Variants in SNAP29 observed in about 807,000 individuals in gnomAD.
SNAP29 encodes synaptosome associated protein 29.
A neutral mutation model predicts 27.9 loss-of-function variants in SNAP29; 13 were observed. The observed-to-expected ratio is 0.47, with a 90% CI of 0.30 to 0.74. SNAP29 has a LOEUF of 0.74. Ranked by LOEUF, SNAP29 falls within the 30% of genes least tolerant of loss-of-function variation. The pLI is 0.06. For missense variants in SNAP29, 368 were observed against 336.5 expected (o/e 1.09, Z -0.73); for synonymous variants, 119 against 127.1 (o/e 0.94, Z 0.43).
chr22:20,870,192 G>A lies in SNAP29; in HGVS notation c.238-145G>A, dbSNP rs1928552879. The A allele has an allele frequency of 4.2e-6, 3 of 719,806 alleles. No homozygotes were observed. The South Asian group carries it at 4.4e-5, about 11-fold the overall frequency. 44.6% of individuals were successfully genotyped at this position (719,806 alleles called of 1,614,324 possible). A position where few individuals can be genotyped will look rare whatever the true frequency, so the allele number is the denominator to read the frequency against. Reference sequence around the variant, plus strand: ...AGGCAAAGGAATGTGTTGTTGGAAAGGGTAGTGTGCCCCTCACAGATGACA... The same window carrying A: ...AGGCAAAGGAATGTGTTGTTGGAAAAGGTAGTGTGCCCCTCACAGATGACA... On this transcript the variant is annotated intron_variant, in intron 1 of 4. Coordinates refer to ENST00000215730, the MANE Select transcript of SNAP29 (RefSeq NM_004782.4).
intron 1 of SNAP29, among the ~76,000 whole-genome samples, chr22:20,861,347 C>T (rs1249140429): frequency 1.3e-5 from 2 of 151,978 alleles, no homozygotes; most frequent in Non-Finnish European, 2.9e-5. Flanking sequence ...CTCTTGACCT[C>T]GTGATCCACC....
At chr22:20,878,522 G>A (rs1431617770) in intron 2 of SNAP29, among the ~76,000 whole-genome samples, 1 of 152,132 alleles carries the variant, frequency 6.6e-6, no homozygotes, top group East Asian at 1.9e-4. Context: ...AGCTTGCAGT[G>A]CGTGGAGATC....
rs165868 is a variant in SNAP29, at chr22:20,885,252, C to T, written c.619+1683C>T. On this transcript the variant is annotated intron_variant, in intron 4 of 4. Transcript: ENST00000215730. ...CCTGGGTCACCCTGTCAGTCTCCCACCCCCTGTTAGGAGTTGGCAAAGTGT... is the reference window on the plus strand; with the variant it reads ...CCTGGGTCACCCTGTCAGTCTCCCATCCCCTGTTAGGAGTTGGCAAAGTGT... Among the ~76,000 whole-genome samples the T allele has an allele frequency of 1.1e-4, 16 of 152,022 alleles. No individual in the cohort carries two copies. The South Asian group carries it at 3.3e-3, about 32-fold the overall frequency.
At chr22:20,869,075 A>G (rs768815140) in intron 1 of SNAP29, among the ~76,000 whole-genome samples, 20 of 152,192 alleles carry the variant, frequency 1.3e-4, no homozygotes, top group Non-Finnish European at 2.5e-4. Context: ...CCGGGCCAAC[A>G]TGGTGAAACC....
intron 4 of SNAP29, among the ~76,000 whole-genome samples, chr22:20,886,110 A>ACCT (rs144704533): frequency 0.07 from 10,067 of 144,612 alleles, 924 homozygotes; most frequent in African/African-American, 0.22. Context: ...CTGAAGACTT[A>ACCT]TCTTTTTTTT....
intron 3 of SNAP29, among the ~76,000 whole-genome samples, chr22:20,881,704 T>A (rs886286626): frequency 6.6e-6 from 1 of 152,128 alleles, no homozygotes; most frequent in Non-Finnish European, 1.5e-5. Context: ...TGAAACTCTG[T>A]CTCAAAAAAG....
At chr22:20,862,335 T>C (rs1233337407) in intron 1 of SNAP29, among the ~76,000 whole-genome samples, 1 of 152,150 alleles carries the variant, frequency 6.6e-6, no homozygotes, top group Non-Finnish European at 1.5e-5. Flanking sequence ...GAGGATAAAC[T>C]TGAATCTAGC....
Position 20,890,260 on chromosome 22 carries a change from G to A in SNAP29, c.*2424G>A, listed in dbSNP as rs1199936073. ...TCCAGAAACTTTTCACATGATGATT[G>A]GGATCGACAAAAAAATGCTACCCTC... is the stretch of plus-strand genomic sequence containing the variant. On this transcript the variant is annotated 3_prime_UTR_variant, in exon 5 of 5. Transcript: ENST00000215730. The A allele has an allele frequency of 7.5e-6, 3 of 398,352 alleles. No individual in the cohort carries two copies. The highest frequency in any genetic ancestry group is 4.1e-5 in the African/African-American group (2 of 48,594). 24.7% of individuals were successfully genotyped at this position (398,352 alleles called of 1,614,324 possible).
chr22:20,867,824 G>C (rs1187034180), intron 1 of SNAP29, among the ~76,000 whole-genome samples: 2 of 152,236 alleles, frequency 1.3e-5, no homozygotes, highest in Non-Finnish European at 2.9e-5. Flanking sequence ...TACTGGGGAA[G>C]GTAGCTCTCC....
chr22:20,861,898 G>A (rs1020581464), intron 1 of SNAP29, among the ~76,000 whole-genome samples: 1 of 152,184 alleles, frequency 6.6e-6, no homozygotes, highest in African/African-American at 2.4e-5. Context: ...CTCCCAAAGT[G>A]TTGGGATTAC....
intron 3 of SNAP29, 152 bp from the exon 4 acceptor site, chr22:20,883,319 G>A (rs1928931372): frequency 9.5e-6 from 6 of 628,898 alleles, no homozygotes; most frequent in Admixed American, 2.1e-5. Flanking sequence ...ATGAGCCTGC[G>A]CTGTGCTCCT....
chr22:20,859,389 T>C lies in SNAP29; in HGVS notation c.237+42T>C, dbSNP rs751917520. 2.2e-6 allele frequency: 3 copies of C among 1,364,286 alleles called. No individual in the cohort carries two copies. In the South Asian group the frequency reaches 3.5e-5, roughly 16 times the overall value. The allele number at this position is 1,364,286 out of a possible 1,614,324, so 84.5% of individuals were successfully genotyped here. On this transcript the variant is annotated intron_variant, in intron 1 of 4. Transcript: ENST00000215730. ...GCTGGTGTGGACTCGCCGGTCTCTGTGCTGTCAAACGGAGACGAGAAATGT... is the reference window on the plus strand; with the variant it reads ...GCTGGTGTGGACTCGCCGGTCTCTGCGCTGTCAAACGGAGACGAGAAATGT...
At chr22:20,878,571 A>G (rs957133973) in intron 2 of SNAP29, among the ~76,000 whole-genome samples, 1 of 151,332 alleles carries the variant, frequency 6.6e-6, no homozygotes, top group African/African-American at 2.4e-5. Flanking sequence ...GAGCGAGACT[A>G]TGTCTCAAAA....
chr22:20,860,404 C>G (rs1189358500), intron 1 of SNAP29, among the ~76,000 whole-genome samples: 1 of 145,826 alleles, frequency 6.9e-6, no homozygotes, highest in East Asian at 2.0e-4. Context: ...GAATCTCGCT[C>G]TGTCGCCCTT....
Position 20,859,047 on chromosome 22 carries a change from C to A in SNAP29, c.-64C>A, listed in dbSNP as rs929409662. The stretch of plus-strand genomic sequence containing the variant: ...GCGGGGTCGGCGGGCGGGGCGAGGC[C>A]CTGGACGGCGGCGGCAGTGGGGCTC... On this transcript the variant is annotated 5_prime_UTR_variant, in exon 1 of 5. Coordinates refer to ENST00000215730, the MANE Select transcript of SNAP29 (RefSeq NM_004782.4). 2.8e-6 allele frequency: 4 copies of A among 1,453,138 alleles called. No homozygotes were observed. The Admixed American group carries it at 7.6e-5, about 28-fold the overall frequency. The allele number at this position is 1,453,138 out of a possible 1,614,324, so 90.0% of individuals were successfully genotyped here.
intron 4 of SNAP29, among the ~76,000 whole-genome samples, chr22:20,885,183 T>G (rs1194449169): frequency 1.3e-5 from 2 of 152,118 alleles, no homozygotes; most frequent in African/African-American, 4.8e-5. Flanking sequence ...ACTTGCTGCC[T>G]CCTCCTACCG....
chr22:20,859,153 G>A lies in SNAP29; in HGVS notation c.43G>A (p.Gly15Arg), dbSNP rs1386888207. 4 of 1,607,528 alleles carry A rather than the reference G, an allele frequency of 2.5e-6. No individual in the cohort carries two copies. Among genetic ancestry groups the A allele is most frequent in the Admixed American group, 1.7e-5 (1 of 59,146 alleles). Reference sequence around the variant, plus strand: ...AAGCTACAATCCGTTCGACGACGACGGGGAGGACGAAGGCGCCCGGCCGGC... The same window carrying A: ...AAGCTACAATCCGTTCGACGACGACAGGGAGGACGAAGGCGCCCGGCCGGC... Reference protein sequence around the residue: ...PKSYNPFDDDGEDEGARPAPW... With the variant: ...PKSYNPFDDDREDEGARPAPW... Residue 15 changes from glycine to arginine, a missense_variant, in exon 1 of 5, where the codon GGG (glycine) becomes AGG (arginine). Coordinates refer to ENST00000215730, the MANE Select transcript of SNAP29 (RefSeq NM_004782.4).
intron 4 of SNAP29, among the ~76,000 whole-genome samples, chr22:20,885,033 C>T (rs922643886): frequency 6.6e-6 from 1 of 152,200 alleles, no homozygotes; most frequent in Admixed American, 6.5e-5. Context: ...TCTCGGCCTC[C>T]CAAAGTGCTG....
At chr22:20,885,942 T>C (rs185538461) in intron 4 of SNAP29, among the ~76,000 whole-genome samples, 1 of 152,166 alleles carries the variant, frequency 6.6e-6, no homozygotes, top group African/African-American at 2.4e-5. Context: ...GGCCTGGTGG[T>C]TTTACATTAT....
Sources: gnomAD v4.1 joint callset for allele counts (sites outside exome capture counted in the v4.1 genomes callset) on GRCh38, gnomAD v4.1.1 for gene constraint, MANE v1.5 for transcripts, NCBI Gene and HGNC (gene_info 2026-07-23, HGNC 2026-07-21) for gene names.